CDH23: variants seen among roughly 807,000 people sequenced by gnomAD.
CDH23 encodes the protein cadherin related 23.
A neutral mutation model predicts 317.1 loss-of-function variants in CDH23; 189 were observed. The observed-to-expected ratio is 0.60, with a 90% CI of 0.53 to 0.67. CDH23 has a LOEUF of 0.67. Among genes scored for constraint, CDH23 ranks in the 30% least tolerant of loss-of-function variants. The probability of loss-of-function intolerance (pLI) is 0.00; values close to 1 mark genes in which losing one functional copy is unlikely to be tolerated. For synonymous variants in CDH23, 1,839 were observed against 1,876.8 expected (o/e 0.98, Z 0.52); for missense variants, 4,401 against 4,592.4 (o/e 0.96, Z 1.20).
At chr10:71,548,042 G>A (rs1856381440) in intron 6 of CDH23, among the ~76,000 whole-genome samples, 1 of 152,226 alleles carries the variant, frequency 6.6e-6, no homozygotes, top group Non-Finnish European at 1.5e-5. Flanking sequence ...GCTGCGTGGT[G>A]ACGGAATGCA....
In CDH23 at chr10:71,643,846, G is replaced by T. The variant is rs769613538; in HGVS notation, c.1135-15G>T. ...CTGTCTCCATATCCTTTGACTGACC[G>T]ACTCCCATTGACAGAATTTGGTAAG... is the stretch of plus-strand genomic sequence containing the variant. On this transcript the variant is annotated splice_polypyrimidine_tract_variant and intron_variant, in intron 11 of 69. Coordinates refer to ENST00000224721, the MANE Select transcript of CDH23 (RefSeq NM_022124.6). The T allele has an allele frequency of 7.8e-6, 6 of 765,852 alleles. No homozygotes were observed. The highest frequency in any genetic ancestry group is 1.2e-5 in the Non-Finnish European group (5 of 417,696). 47.4% of individuals were successfully genotyped at this position (765,852 alleles called of 1,614,324 possible). A position where few individuals can be genotyped will look rare whatever the true frequency, so the allele number is the denominator to read the frequency against.
In CDH23 at chr10:71,675,096, GT is replaced by G; in HGVS notation, c.1450-14del. 6.2e-7 allele frequency: 1 copy of G among 1,613,234 alleles called. No homozygotes were observed. The highest frequency in any genetic ancestry group is 8.5e-7 in the Non-Finnish European group (1 of 1,179,242). ...CTGGGCCTGGCAGTAATGACTTCTT[GT>G]TCTCGCTGTTGCAGGCAACTGACAA... On this transcript the variant is annotated splice_polypyrimidine_tract_variant and intron_variant, in intron 14 of 69. Transcript: ENST00000224721.
Position 71,807,279 on chromosome 10 carries a change from A to T in CDH23, c.8181A>T (p.Lys2727Asn). 1 of 1,612,880 alleles carries T rather than the reference A, an allele frequency of 6.2e-7. No homozygotes were observed. The highest frequency in any genetic ancestry group is 8.5e-7 in the Non-Finnish European group (1 of 1,179,088). Residue 2727 changes from lysine to asparagine, a missense_variant and splice_region_variant, in exon 58 of 70, where the codon AAA becomes AAT. Coordinates refer to ENST00000224721, the MANE Select transcript of CDH23 (RefSeq NM_022124.6). Reference protein sequence around the residue: ...DNEPLFVRPPKGSPQYQLLTV... With the variant: ...DNEPLFVRPPNGSPQYQLLTV... ...ATGACATCCCCCTCCCTCTGCAGAA[A>T]GGCAGCCCCCAGTACCAGCTGCTGA...
At chr10:71,635,079 G>A (rs1187021047) in intron 11 of CDH23, among the ~76,000 whole-genome samples, 1 of 152,254 alleles carries the variant, frequency 6.6e-6, no homozygotes, top group Non-Finnish European at 1.5e-5. Flanking sequence ...ACAGGAGTGG[G>A]TACAGACAGG....
chr10:71,438,746 T>C (rs1056724799), intron 1 of CDH23, among the ~76,000 whole-genome samples: 1 of 152,220 alleles, frequency 6.6e-6, no homozygotes, highest in African/African-American at 2.4e-5. Flanking sequence ...TGGGTCTTGA[T>C]GCTGGCTCTG....
chr10:71,515,396 A>T (rs61851646), intron 6 of CDH23, among the ~76,000 whole-genome samples: 1,248 of 36,786 alleles, frequency 0.034, 12 homozygotes, highest in East Asian at 0.17. Context: ...TCTCTCTCTC[A>T]CACACACACA....
In CDH23 at chr10:71,630,047, C is replaced by T. The variant is rs933101748; in HGVS notation, c.1134+12654C>T. Among the ~76,000 whole-genome samples the T allele has an allele frequency of 3.9e-5, 6 of 152,160 alleles. No homozygotes were observed. In the South Asian group the frequency reaches 1.2e-3, roughly 32 times the overall value. ...ATTATTATTTTTTATTTTGAGACAA[C>T]GTATCACTCTGTCACTCAGGCTGGA... On this transcript the variant is annotated intron_variant, in intron 11 of 69. Coordinates refer to ENST00000224721, the MANE Select transcript of CDH23 (RefSeq NM_022124.6).
chr10:71,634,304 G>A (rs1028532313), intron 11 of CDH23, among the ~76,000 whole-genome samples: 2 of 152,346 alleles, frequency 1.3e-5, no homozygotes, highest in Non-Finnish European at 2.9e-5. Flanking sequence ...GACAGGCCTG[G>A]GTGCACACAT....
chr10:71,736,878 C>G (rs977022502), intron 34 of CDH23, among the ~76,000 whole-genome samples: 23 of 152,158 alleles, frequency 1.5e-4, no homozygotes, highest in African/African-American at 5.6e-4. Flanking sequence ...AATAAGGTGT[C>G]AGGGAACTAG....
chr10:71,484,966 T>C (rs1197782864), intron 3 of CDH23, among the ~76,000 whole-genome samples: 1 of 151,890 alleles, frequency 6.6e-6, no homozygotes, highest in Non-Finnish European at 1.5e-5. Context: ...GAAAATTGGC[T>C]GGCAGTGGTG....
At chr10:71,577,786 A>G (rs1174851276) in intron 8 of CDH23, 128 bp from the exon 9 acceptor site, 8 of 740,476 alleles carry the variant, frequency 1.1e-5, no homozygotes, top group African/African-American at 6.9e-5. Context: ...AGCCCTTGGC[A>G]TCTACTTCCT....
intron 6 of CDH23, among the ~76,000 whole-genome samples, chr10:71,515,386 TCTCTCTCTCACA>T (rs967346209): frequency 4.5e-5 from 6 of 132,312 alleles, no homozygotes; most frequent in African/African-American, 1.2e-4. Context: ...TCTCTCTCTC[TCTCTCTCTCACA>T]CACACACACA....
rs375566128 is a variant in CDH23 at position 71,779,455 on chromosome 10, G to A, written c.5368+8G>A. On this transcript the variant is annotated splice_region_variant and intron_variant, in intron 41 of 69. Transcript: ENST00000224721. The stretch of plus-strand genomic sequence containing the variant: ...TGGATGGAGACCCTCTGGGTGAGTG[G>A]GGCTTGGGGCATGCCACCCACAGGG... The A allele has an allele frequency of 1.3e-6, 2 of 1,591,018 alleles. No individual in the cohort carries two copies. The highest frequency in any genetic ancestry group is 2.3e-5 in the East Asian group (1 of 44,322).
At chr10:71,566,369 AG>A (rs577089210) in intron 6 of CDH23, among the ~76,000 whole-genome samples, 262 of 152,214 alleles carry the variant, frequency 1.7e-3, no homozygotes, top group Middle Eastern at 6.8e-3. Flanking sequence ...GGCTGCCAGG[AG>A]GGAGGCTTGA....
intron 6 of CDH23, among the ~76,000 whole-genome samples, chr10:71,560,673 A>T (rs1857085503): frequency 6.6e-6 from 1 of 152,028 alleles, no homozygotes; most frequent in African/African-American, 2.4e-5. Flanking sequence ...AGGGCAGAGG[A>T]TGGGAGGGCA....
intron 6 of CDH23, among the ~76,000 whole-genome samples, chr10:71,534,934 G>C (rs920465710): frequency 1.3e-5 from 2 of 152,194 alleles, no homozygotes; most frequent in Non-Finnish European, 2.9e-5. Context: ...TCCAGCTGAG[G>C]AAGCCAGTCA....
At position 71,741,749 on chromosome 10, in the gene CDH23, G is replaced by A. The variant is rs1430563988; in HGVS notation, c.4673G>A (p.Gly1558Glu). 9 of 1,612,664 alleles carry A rather than the reference G, an allele frequency of 5.6e-6. No individual in the cohort carries two copies. The highest frequency in any genetic ancestry group is 7.6e-6 in the Non-Finnish European group (9 of 1,179,344). ...GTGAGAGCCACTGACCGTGACATCG[G>A]GATCAACAGTGTTCTGTCCTACTAC... Reference protein sequence around the residue: ...VQVRATDRDIGINSVLSYYIT... With the variant: ...VQVRATDRDIEINSVLSYYIT... The change falls in exon 38 of 70, where the codon GGG (glycine) becomes GAG (glutamate). Residue 1558 changes from glycine to glutamate, a missense_variant. By Grantham distance (98) the Gly-to-Glu change is moderately conservative. Transcript: ENST00000224721.
intron 62 of CDH23, among the ~76,000 whole-genome samples, chr10:71,810,807 G>A (rs1589437729): frequency 6.6e-6 from 1 of 152,138 alleles, no homozygotes; most frequent in Non-Finnish European, 1.5e-5. Flanking sequence ...CAGGCCATGC[G>A]CAGTGGCTCA....
At chr10:71,752,034 G>A (rs754813770) in intron 38 of CDH23, 93 of 767,442 alleles carry the variant, frequency 1.2e-4, no homozygotes, top group Non-Finnish European at 2.0e-4. Flanking sequence ...AAAGGCCATG[G>A]GCTGCACCTG....
Sources: allele counts gnomAD v4.1 joint callset (sites outside exome capture counted in the v4.1 genomes callset), GRCh38; gene constraint gnomAD v4.1.1; transcripts MANE v1.5; gene names NCBI Gene and HGNC (gene_info 2026-07-23, HGNC 2026-07-21).